Variants in SAMD5 observed in about 807,000 individuals in gnomAD.
SAMD5 encodes the protein sterile alpha motif domain containing 5, also known as sterile alpha motif domain-containing protein 5.
A neutral mutation model predicts 11.3 loss-of-function variants in SAMD5; 13 were observed. That is an observed-to-expected ratio of 1.15 (90% CI 0.75 to 1.83). The LOEUF (loss-of-function observed/expected upper bound fraction) is 1.83, where lower values mean the gene tolerates loss of function less well. Ranked by LOEUF, SAMD5 falls within the 40% of genes most tolerant of loss-of-function variation. The pLI is 0.00. For synonymous variants in SAMD5, 129 were observed against 111.3 expected, an observed-to-expected ratio of 1.16 and a Z score of -1.00; for missense variants, 255 against 239.1, an observed-to-expected ratio of 1.07 and a Z score of -0.44.
chr6:147,867,847 CTG>C, the SAMD5 span, among the ~76,000 whole-genome samples: 1 of 152,184 alleles, frequency 6.6e-6, no homozygotes, highest in African/African-American at 2.4e-5. Flanking sequence ...GCTGAATATT[CTG>C]TGTCTTCCTT....
the SAMD5 span, among the ~76,000 whole-genome samples, chr6:147,844,781 C>T: frequency 2.0e-5 from 3 of 151,920 alleles, no homozygotes; most frequent in African/African-American, 7.3e-5. Context: ...TATGATCTCA[C>T]TTATGTGAAT....
At chr6:147,777,420 C>A in the SAMD5 span, among the ~76,000 whole-genome samples, 2 of 152,284 alleles carry the variant, frequency 1.3e-5, no homozygotes. Context: ...TTTCCTTCCA[C>A]GAAACTATTT....
At chr6:147,879,624 C>T in the SAMD5 span, among the ~76,000 whole-genome samples, 1 of 152,292 alleles carries the variant, frequency 6.6e-6, no homozygotes, top group East Asian at 1.9e-4. Flanking sequence ...ACTAAGAGAT[C>T]TGATCGAAAT....
chr6:147,548,648 C>A (rs906907532), intron 1 of SAMD5, among the ~76,000 whole-genome samples: 1 of 152,140 alleles, frequency 6.6e-6, no homozygotes, highest in African/African-American at 2.4e-5. Flanking sequence ...ATCCTCTATG[C>A]CTTTTTTCCC....
chr6:147,942,985 T>A, the SAMD5 span, among the ~76,000 whole-genome samples: 122 of 152,186 alleles, frequency 8.0e-4, no homozygotes, highest in Non-Finnish European at 1.4e-3. Context: ...GGCTAATTTT[T>A]TTTTATTTTA....
chr6:147,669,433 T>A (rs1790765811), intron 1 of SAMD5, among the ~76,000 whole-genome samples: 1 of 142,986 alleles, frequency 7.0e-6, no homozygotes, highest in South Asian at 2.3e-4. Flanking sequence ...TTTTTTTTTT[T>A]TTTTTTTTTT....
At chr6:147,846,195 A>G in the SAMD5 span, among the ~76,000 whole-genome samples, 675 of 152,338 alleles carry the variant, frequency 4.4e-3, 5 homozygotes, top group African/African-American at 0.015. Flanking sequence ...AGAAATGAAA[A>G]ATAGATTCAT....
chr6:147,568,837 A>G lies in SAMD5; in HGVS notation c.*4381A>G. 1.1e-6 allele frequency: 1 copy of G among 946,872 alleles called. No homozygotes were observed. Among genetic ancestry groups the G allele is most frequent in the Non-Finnish European group, 1.3e-6 (1 of 794,788 alleles). The allele number at this position is 946,872 out of a possible 1,614,324, so 58.7% of individuals were successfully genotyped here. ...CTTTACATTATTAATCTCTGAGGAC[A>G]TAAAATCAAATAACTTTCTAGTCCA... On this transcript the variant is annotated 3_prime_UTR_variant, in exon 2 of 2. Transcript: ENST00000367474.
chr6:147,625,418 T>A (rs1453853104), intron 1 of SAMD5, among the ~76,000 whole-genome samples: 1 of 152,216 alleles, frequency 6.6e-6, no homozygotes, highest in Non-Finnish European at 1.5e-5. Context: ...GAAGAAGTCA[T>A]ATTATTAGGT....
chr6:147,777,660 C>T, the SAMD5 span, among the ~76,000 whole-genome samples: 1 of 152,172 alleles, frequency 6.6e-6, no homozygotes, highest in East Asian at 1.9e-4. Flanking sequence ...AAACTGTAAC[C>T]TTTAAGTAAT....
chr6:147,900,667 T>A, the SAMD5 span, among the ~76,000 whole-genome samples: 1 of 152,174 alleles, frequency 6.6e-6, no homozygotes, highest in Non-Finnish European at 1.5e-5. Flanking sequence ...TCACTAATTG[T>A]GCCAGTTATC....
At position 147,734,677 on chromosome 6, in the gene SAMD5, C is replaced by T. The variant is rs1204026716; in HGVS notation, c.163-2640C>T. The stretch of plus-strand genomic sequence containing the variant: ...GCAGTCAGCCGAGATCGTGCCACTG[C>T]ACTCCAGCCTGGGCGGCAGAGCGAG... On this transcript the variant is annotated intron_variant, in intron 1 of 1. Transcript: ENST00000566741. 1.4e-4 allele frequency among the ~76,000 whole-genome samples: 18 copies of T among 129,096 alleles called. No individual in the cohort carries two copies. The South Asian group carries it at 2.8e-3, about 20-fold the overall frequency. 84.7% of individuals were successfully genotyped at this position (129,096 alleles called of 152,430 possible). A position where few individuals can be genotyped will look rare whatever the true frequency, so the allele number is the denominator to read the frequency against.
chr6:147,675,582 A>G (rs1790851362), intron 1 of SAMD5, among the ~76,000 whole-genome samples: 1 of 151,982 alleles, frequency 6.6e-6, no homozygotes, highest in Admixed American at 6.6e-5. Context: ...TATGTGTAGG[A>G]GTTTTTGCCA....
At chr6:147,947,264 C>T in the SAMD5 span, among the ~76,000 whole-genome samples, 1 of 152,162 alleles carries the variant, frequency 6.6e-6, no homozygotes, top group Non-Finnish European at 1.5e-5. Flanking sequence ...TTTGCAACAA[C>T]ATGGTGCTGT....
intron 1 of SAMD5, 63 bp from the exon 2 acceptor site, chr6:147,564,331 A>G (rs988724862): frequency 1.3e-6 from 1 of 768,624 alleles, no homozygotes; most frequent in Admixed American, 1.8e-5. Flanking sequence ...GAAATCCATG[A>G]TGGACTAGGG....
At chr6:147,720,137 AG>A (rs1791526735) in intron 1 of SAMD5, among the ~76,000 whole-genome samples, 1 of 152,148 alleles carries the variant, frequency 6.6e-6, no homozygotes, top group African/African-American at 2.4e-5. Context: ...CTCCCTATCT[AG>A]GTAAGAGGGG....
intron 1 of SAMD5, among the ~76,000 whole-genome samples, chr6:147,598,537 A>T (rs1789569922): frequency 6.6e-6 from 1 of 152,204 alleles, no homozygotes; most frequent in Non-Finnish European, 1.5e-5. Context: ...GGTTCGAGGC[A>T]TTCATCTACC....
At chr6:147,542,522 G>T (rs1788623120) in intron 1 of SAMD5, among the ~76,000 whole-genome samples, 1 of 152,180 alleles carries the variant, frequency 6.6e-6, no homozygotes, top group African/African-American at 2.4e-5. Context: ...AACTTGGTGG[G>T]TGGGGGGAAG....
the SAMD5 span, among the ~76,000 whole-genome samples, chr6:147,778,122 C>T: frequency 6.6e-6 from 1 of 152,158 alleles, no homozygotes; most frequent in Non-Finnish European, 1.5e-5. Context: ...TCTGTACATC[C>T]TAACAATTGT....
Sources: allele counts gnomAD v4.1 joint callset (sites outside exome capture counted in the v4.1 genomes callset), GRCh38; gene constraint gnomAD v4.1.1; transcripts MANE v1.5; gene names NCBI Gene and HGNC (gene_info 2026-07-23, HGNC 2026-07-21).